The following SORBS2 variants were observed in gnomAD, a reference collection of about 807,000 sequenced individuals.
SORBS2 encodes the protein sorbin and SH3 domain containing 2.
Under a neutral mutation model 97.7 loss-of-function variants are expected in SORBS2, and 46 were observed. That is an observed-to-expected ratio of 0.47 (90% CI 0.37 to 0.60). The LOEUF (loss-of-function observed/expected upper bound fraction) is 0.60, where lower values mean the gene tolerates loss of function less well. Ranked by LOEUF, SORBS2 falls within the 20% of genes least tolerant of loss-of-function variation. The pLI is 0.00. For missense variants in SORBS2, 1,316 were observed against 1,282.3 expected, an observed-to-expected ratio of 1.03 and a Z score of -0.40; for synonymous variants, 476 against 473.4, an observed-to-expected ratio of 1.01 and a Z score of -0.07.
At chr4:185,614,761 A>T in intron 11 of SORBS2, 70 bp downstream of exon 23, 1 of 1,551,042 alleles carries the variant, frequency 6.4e-7, no homozygotes, top group Non-Finnish European at 8.8e-7. Flanking sequence ...TTTTGAAAAT[A>T]TACAGCCTTT....
chr4:185,856,742 C>T lies in SORBS2; in HGVS notation c.-337-81376G>A, dbSNP rs1026870943. Among the ~76,000 whole-genome samples the T allele has an allele frequency of 1.8e-4, 27 of 152,062 alleles. 1 individual carries two copies. The highest frequency in any genetic ancestry group is 6.3e-4 in the African/African-American group (26 of 41,412). On this transcript the variant is annotated intron_variant, in intron 1 of 20. Coordinates refer to the SORBS2 transcript ENST00000284776. ...GGTTGCTATAAGGAAATACTCAAGA[C>T]TAGGTAATTTATAAAGGAAAGAGGT...
rs145649361 is a variant in SORBS2 at position 185,769,584 on chromosome 4, G to A, written c.-198+5643C>T. On this transcript the variant is annotated intron_variant, in intron 2 of 20. Transcript: ENST00000284776. ...CGGCTCACGGCAACCTGTGCCTCCC[G>A]GGTTCAAGCAATTCTCCTGCCTCAG... is the stretch of plus-strand genomic sequence containing the variant. Among the ~76,000 whole-genome samples, 1,203 of 152,056 alleles carry A rather than the reference G, an allele frequency of 7.9e-3. 15 individuals are homozygous for A. Among genetic ancestry groups the A allele is most frequent in the African/African-American group, 0.027 (1,126 of 41,456 alleles).
intron 1 of SORBS2, among the ~76,000 whole-genome samples, chr4:185,875,079 T>TATA (rs2099232732): frequency 6.6e-6 from 1 of 152,152 alleles, no homozygotes. Flanking sequence ...AAGTATGTCC[T>TATA]CAACTACTTG....
chr4:185,864,002 A>G (rs991660027), intron 1 of SORBS2, among the ~76,000 whole-genome samples: 2 of 152,232 alleles, frequency 1.3e-5, no homozygotes, highest in African/African-American at 4.8e-5. Context: ...CAAGCTTTCC[A>G]TGTTTTCCAT....
chr4:185,635,347 GT>G lies in SORBS2; in HGVS notation c.397-4750del. The G allele has an allele frequency of 6.2e-7, 1 of 1,603,934 alleles. No individual in the cohort carries two copies. The highest frequency in any genetic ancestry group is 8.5e-7 in the Non-Finnish European group (1 of 1,170,844). On this transcript the variant is annotated intron_variant, in intron 4 of 14. Coordinates refer to ENST00000418609, the Ensembl canonical transcript of SORBS2. Reference sequence around the variant, plus strand: ...ATATCTGAAAAAGAGAGAATAACGTGTTTTTACCTCATTGAAAACACCAGAA... The same window carrying G: ...ATATCTGAAAAAGAGAGAATAACGTGTTTTACCTCATTGAAAACACCAGAA...
At chr4:185,761,144 A>G (rs555562703) in intron 2 of SORBS2, among the ~76,000 whole-genome samples, 1 of 152,344 alleles carries the variant, frequency 6.6e-6, no homozygotes, top group Admixed American at 6.5e-5. Flanking sequence ...CCATGCCCCA[A>G]AGCAAACACC....
At chr4:185,647,465 T>C (rs535966866) in intron 3 of SORBS2, among the ~76,000 whole-genome samples, 1 of 145,232 alleles carries the variant, frequency 6.9e-6, no homozygotes, top group African/African-American at 2.6e-5. Flanking sequence ...CAGGCTGGAG[T>C]GCAGTGGTGT....
At chr4:185,859,566 T>C (rs1270346663) in intron 1 of SORBS2, among the ~76,000 whole-genome samples, 3 of 152,174 alleles carry the variant, frequency 2.0e-5, no homozygotes, top group East Asian at 3.8e-4. Flanking sequence ...TCATGGAAAA[T>C]TGACCACTCT....
intron 1 of SORBS2, among the ~76,000 whole-genome samples, chr4:185,894,001 C>T (rs1036116644): frequency 7.9e-5 from 12 of 152,082 alleles, no homozygotes; most frequent in African/African-American, 2.2e-4. Flanking sequence ...GTCTACCTCC[C>T]GAATGCAGAT....
chr4:185,696,173 A>C (rs1240679678), intron 2 of SORBS2, among the ~76,000 whole-genome samples: 1 of 152,212 alleles, frequency 6.6e-6, no homozygotes, highest in Non-Finnish European at 1.5e-5. Context: ...GAATACGCGG[A>C]GTGTTAGTTT....
chr4:185,878,413 C>T (rs1381092013), intron 1 of SORBS2, among the ~76,000 whole-genome samples: 1 of 152,138 alleles, frequency 6.6e-6, no homozygotes, highest in Non-Finnish European at 1.5e-5. Context: ...CACTTCACCT[C>T]GTCCCTCCGC....
At chr4:185,840,677 CT>C (rs2099210936) in intron 1 of SORBS2, among the ~76,000 whole-genome samples, 1 of 152,178 alleles carries the variant, frequency 6.6e-6, no homozygotes, top group South Asian at 2.1e-4. Context: ...CACACCCAGC[CT>C]TTAAAAAATA....
At position 185,930,814 on chromosome 4, in the gene SORBS2, T is replaced by C. The variant is rs1016943488; in HGVS notation, c.-338+25382A>G. On this transcript the variant is annotated intron_variant, in intron 1 of 20. Coordinates refer to the SORBS2 transcript ENST00000284776. ...AATAAAAAGAAGCAGAATTCTGTGA[T>C]GGAAAAAGTAATAATGACTTGTATA... Among the ~76,000 whole-genome samples the C allele has an allele frequency of 2.6e-5, 4 of 152,238 alleles. No individual in the cohort carries two copies. The South Asian group carries it at 6.2e-4, about 24-fold the overall frequency.
intron 1 of SORBS2, among the ~76,000 whole-genome samples, chr4:185,834,627 C>G (rs1015249351): frequency 1.3e-5 from 2 of 151,814 alleles, no homozygotes; most frequent in African/African-American, 4.8e-5. Context: ...CTTCTTGTTT[C>G]CAAAATAGTG....
chr4:185,607,372 G>A lies in SORBS2; in HGVS notation c.2796+4408C>T. Reference sequence around the variant, plus strand: ...CAACTTGGAAATGAGCACGGATTATGAAGTTAAGAAAAAATAAACTAAGAA... The same window carrying A: ...CAACTTGGAAATGAGCACGGATTATAAAGTTAAGAAAAAATAAACTAAGAA... On this transcript the variant is annotated intron_variant, in intron 12 of 14. Transcript: ENST00000418609. The surrounding 1 kb of genome is among the most constrained non-coding windows in gnomAD (Gnocchi z 5.2). 1 of 1,220,096 alleles carries A rather than the reference G, an allele frequency of 8.2e-7. No individual in the cohort carries two copies. The allele number at this position is 1,220,096 out of a possible 1,614,324, so 75.6% of individuals were successfully genotyped here.
chr4:185,761,593 T>G (rs1050174855), intron 2 of SORBS2: 4 of 152,202 alleles, frequency 2.6e-5, no homozygotes, highest in Non-Finnish European at 5.9e-5. Flanking sequence ...GTTGTGCTTA[T>G]TAATTGAAGA....
At chr4:185,894,791 C>T (rs567547951) in intron 1 of SORBS2, among the ~76,000 whole-genome samples, 11 of 152,344 alleles carry the variant, frequency 7.2e-5, no homozygotes, top group African/African-American at 2.2e-4. Context: ...ATGCAACCCA[C>T]TCCCTCAGCA....
At chr4:185,807,291 T>C (rs931436077) in intron 1 of SORBS2, among the ~76,000 whole-genome samples, 1 of 152,194 alleles carries the variant, frequency 6.6e-6, no homozygotes, top group Non-Finnish European at 1.5e-5. Context: ...TTTTGTTTTT[T>C]TGAGGTGGGA....
intron 1 of SORBS2, among the ~76,000 whole-genome samples, chr4:185,790,728 A>G (rs547001015): frequency 3.3e-5 from 5 of 152,364 alleles, no homozygotes; most frequent in Admixed American, 1.3e-4. Flanking sequence ...ATAAGAAAGC[A>G]TCTCTCATCT....
Sources: gnomAD v4.1 joint callset for allele counts (sites outside exome capture counted in the v4.1 genomes callset) on GRCh38, gnomAD v4.1.1 for gene constraint, Gnocchi (gnomAD v3.1) non-coding constraint, MANE v1.5 for transcripts, NCBI Gene and HGNC (gene_info 2026-07-23, HGNC 2026-07-21) for gene names.